The following NUDCD1 variants were observed in gnomAD, a reference collection of about 807,000 sequenced individuals.
NUDCD1 encodes NudC domain containing 1.
Under a neutral mutation model 67.8 loss-of-function variants are expected in NUDCD1, and 60 were observed. The observed-to-expected ratio is 0.88, with a 90% confidence interval of 0.72 to 1.10. The LOEUF (loss-of-function observed/expected upper bound fraction) is 1.10, where lower values mean the gene tolerates loss of function less well. Among genes scored for constraint, NUDCD1 ranks in the 50% least tolerant of loss-of-function variants. NUDCD1 has a pLI of 0.00. For synonymous variants in NUDCD1, 244 were observed against 230.8 expected, an observed-to-expected ratio of 1.06 and a Z score of -0.52; for missense variants, 643 against 695.0, an observed-to-expected ratio of 0.93 and a Z score of 0.84.
chr8:109,243,884 CCCA>C (rs1813434990), intron 9 of NUDCD1, among the ~76,000 whole-genome samples: 1 of 151,666 alleles, frequency 6.6e-6, no homozygotes, highest in Non-Finnish European at 1.5e-5. Flanking sequence ...ACTTTTAGCC[CCCA>C]CAAGTAGAAT....
intron 5 of NUDCD1, among the ~76,000 whole-genome samples, chr8:109,289,527 A>T (rs1342350504): frequency 1.3e-5 from 2 of 152,188 alleles, no homozygotes; most frequent in African/African-American, 4.8e-5. Context: ...CGATTTTTTA[A>T]AAAAACATTT....
chr8:109,297,409 C>T (rs933215818), intron 2 of NUDCD1, among the ~76,000 whole-genome samples: 8 of 152,190 alleles, frequency 5.3e-5, no homozygotes, highest in Admixed American at 3.3e-4. Context: ...TGAGTTAAAA[C>T]CTAATCACCA....
intron 2 of NUDCD1, among the ~76,000 whole-genome samples, chr8:109,305,701 C>T (rs1015223429): frequency 5.9e-5 from 9 of 152,070 alleles, no homozygotes; most frequent in Non-Finnish European, 1.3e-4. Flanking sequence ...GGAAATTCAC[C>T]AGGCTGCTAA....
intron 6 of NUDCD1, 140 bp downstream of exon 6, chr8:109,280,828 A>AT (rs779207672): frequency 1.1e-5 from 5 of 465,350 alleles, no homozygotes; most frequent in Non-Finnish European, 1.5e-5. Flanking sequence ...CAGTAATTCT[A>AT]TTTTTAATAT....
chr8:109,302,032 C>T (rs771332312), intron 2 of NUDCD1, among the ~76,000 whole-genome samples: 3 of 152,184 alleles, frequency 2.0e-5, no homozygotes, highest in Non-Finnish European at 2.9e-5. Context: ...TGTCTCTACC[C>T]TCTCTTTTCT....
intron 8 of NUDCD1, among the ~76,000 whole-genome samples, chr8:109,249,636 C>A (rs1405130584): frequency 6.6e-6 from 1 of 152,046 alleles, no homozygotes; most frequent in Admixed American, 6.6e-5. Context: ...TGCATATATT[C>A]CTCAGTAAAT....
At chr8:109,320,290 T>C (rs1391909435) in intron 2 of NUDCD1, among the ~76,000 whole-genome samples, 4 of 152,144 alleles carry the variant, frequency 2.6e-5, no homozygotes, top group Admixed American at 1.3e-4. Flanking sequence ...GTCTCGACCA[T>C]AAGAGACGAC....
intron 3 of NUDCD1, 70 bp from the exon 4 acceptor site, chr8:109,293,594 A>C: frequency 1.3e-6 from 1 of 767,406 alleles, no homozygotes; most frequent in Non-Finnish European, 1.9e-6. Context: ...TAGAGGGAAT[A>C]TATAGGATTC....
intron 5 of NUDCD1, among the ~76,000 whole-genome samples, chr8:109,289,447 C>A (rs1814650380): frequency 1.3e-5 from 2 of 152,072 alleles, no homozygotes; most frequent in South Asian, 4.1e-4. Context: ...TTAATACCAT[C>A]AATACTAATA....
At chr8:109,333,340 GA>G (rs1664808826) in intron 1 of NUDCD1, among the ~76,000 whole-genome samples, 1 of 152,176 alleles carries the variant, frequency 6.6e-6, no homozygotes, top group South Asian at 2.1e-4. Context: ...AGCAGTGTGG[GA>G]GTAAATCCAC....
chr8:109,291,731 G>A (rs929783786), intron 4 of NUDCD1, among the ~76,000 whole-genome samples: 1 of 152,088 alleles, frequency 6.6e-6, no homozygotes, highest in Non-Finnish European at 1.5e-5. Context: ...GGAGAAAAAA[G>A]GTTAGTCTCA....
At chr8:109,328,052 T>C (rs1375242603) in intron 1 of NUDCD1, among the ~76,000 whole-genome samples, 1 of 152,214 alleles carries the variant, frequency 6.6e-6, no homozygotes. Context: ...AGATTTATCT[T>C]TCCACCAGAA....
chr8:109,245,172 C>G (rs1333785687), intron 9 of NUDCD1, 150 bp downstream of exon 9: 1 of 696,160 alleles, frequency 1.4e-6, no homozygotes. Flanking sequence ...CTAACACTCA[C>G]AACTAGTACA....
intron 1 of NUDCD1, among the ~76,000 whole-genome samples, chr8:109,325,582 T>C (rs1033012812): frequency 4.6e-5 from 7 of 152,298 alleles, no homozygotes; most frequent in Admixed American, 2.0e-4. Flanking sequence ...GAAAAACTTG[T>C]GTTCAAAGAA....
At chr8:109,301,980 C>G (rs1456793625) in intron 2 of NUDCD1, among the ~76,000 whole-genome samples, 1 of 152,142 alleles carries the variant, frequency 6.6e-6, no homozygotes, top group Non-Finnish European at 1.5e-5. Context: ...TGGCTGCTTG[C>G]CCACATTGCA....
chr8:109,287,578 A>G (rs574231614), intron 5 of NUDCD1, among the ~76,000 whole-genome samples: 13 of 152,258 alleles, frequency 8.5e-5, no homozygotes, highest in African/African-American at 2.6e-4. Context: ...TATAAGTGTG[A>G]GCTAAACACT....
intron 2 of NUDCD1, among the ~76,000 whole-genome samples, chr8:109,311,559 G>GTGTGTGTATGTATATA: frequency 8.0e-6 from 1 of 125,162 alleles, no homozygotes; most frequent in African/African-American, 3.5e-5. Context: ...AAACTGTGGT[G>GTGTGTGTATGTATATA]TATATATATA....
chr8:109,304,352 C>T (rs1815056850), intron 2 of NUDCD1, among the ~76,000 whole-genome samples: 1 of 152,188 alleles, frequency 6.6e-6, no homozygotes, highest in South Asian at 2.1e-4. Flanking sequence ...CCCCATATTT[C>T]CTTCTTTCCT....
At chr8:109,276,429 C>A (rs545890729) in intron 6 of NUDCD1, among the ~76,000 whole-genome samples, 1 of 152,112 alleles carries the variant, frequency 6.6e-6, no homozygotes, top group Non-Finnish European at 1.5e-5. Context: ...TTAGCTCATG[C>A]CCTGGAACAC....
Sources: gnomAD v4.1 joint callset for allele counts (sites outside exome capture counted in the v4.1 genomes callset) on GRCh38, gnomAD v4.1.1 for gene constraint, MANE v1.5 for transcripts, NCBI Gene and HGNC (gene_info 2026-07-23, HGNC 2026-07-21) for gene names.